ADAM12: variants seen among roughly 807,000 people sequenced by gnomAD.
The protein encoded by ADAM12 is ADAM metallopeptidase domain 12.
A neutral mutation model predicts 106.4 loss-of-function variants in ADAM12; 70 were observed. That is an observed-to-expected ratio of 0.66 (90% CI 0.54 to 0.80). ADAM12 has a LOEUF of 0.80. Among genes scored for constraint, ADAM12 ranks in the 30% least tolerant of loss-of-function variants. The pLI is 0.00. For synonymous variants in ADAM12, 420 were observed against 433.5 expected (o/e 0.97, Z 0.39); for missense variants, 1,010 against 1,171.9 (o/e 0.86, Z 2.02).
rs7100946 is a variant in ADAM12, at chr10:126,128,228, G to C, written c.416+7356C>G. Reference sequence around the variant, plus strand: ...GGAAAGGTGAGGTGCCAATTCAGGAGAGGCCCCGGTCTGCAGCTGGGATGA... The same window carrying C: ...GGAAAGGTGAGGTGCCAATTCAGGACAGGCCCCGGTCTGCAGCTGGGATGA... On this transcript the variant is annotated intron_variant, in intron 5 of 22. Coordinates refer to ENST00000448723, the MANE Select transcript of ADAM12 (RefSeq NM_001288973.2). 3.3e-3 allele frequency among the ~76,000 whole-genome samples: 499 copies of C among 152,268 alleles called. 4 individuals are homozygous for C. Among genetic ancestry groups the C allele is most frequent in the African/African-American group, 0.012 (487 of 41,552 alleles).
chr10:126,260,689 G>C (rs1958984237), intron 3 of ADAM12, among the ~76,000 whole-genome samples: 1 of 152,136 alleles, frequency 6.6e-6, no homozygotes, highest in African/African-American at 2.4e-5. Flanking sequence ...GCACTTAAGA[G>C]AAACATTGCC....
Position 126,049,515 on chromosome 10 carries a change from G to A in ADAM12, c.1718+46C>T. On this transcript the variant is annotated intron_variant, in intron 15 of 22. Coordinates refer to ENST00000448723, the MANE Select transcript of ADAM12 (RefSeq NM_001288973.2). This position sits in a 1 kb window ranked among gnomAD's most constrained non-coding sequence, Gnocchi z 4.4. ...ATTTGGAACCAACCCTATGCAATGT[G>A]GGAAGGTCAGAGCAAAGACTTTGCC... The A allele has an allele frequency of 6.2e-7, 1 of 1,613,558 alleles. No homozygotes were observed. Among genetic ancestry groups the A allele is most frequent in the Non-Finnish European group, 8.5e-7 (1 of 1,179,484 alleles).
intron 3 of ADAM12, among the ~76,000 whole-genome samples, chr10:126,217,369 CTTT>C (rs1296671044): frequency 7.0e-6 from 1 of 143,252 alleles, no homozygotes. Context: ...GCATTTGGAA[CTTT>C]TTTTTTTTTT....
At chr10:126,332,683 G>A (rs989220687) in intron 1 of ADAM12, among the ~76,000 whole-genome samples, 5 of 152,164 alleles carry the variant, frequency 3.3e-5, no homozygotes, top group Admixed American at 6.5e-5. Context: ...ATATAGCCAC[G>A]AGGATCGACA....
At chr10:126,182,214 T>A (rs1260022794) in intron 3 of ADAM12, among the ~76,000 whole-genome samples, 2 of 152,072 alleles carry the variant, frequency 1.3e-5, no homozygotes, top group Non-Finnish European at 2.9e-5. Context: ...AACATGAACA[T>A]GTAGAGGGAG....
rs1953661151 is a variant in ADAM12 at position 126,016,361 on chromosome 10, A to G, written c.*918T>C. Reference sequence around the variant, plus strand: ...TCTGAATACAGGATCATTGTATTACAGTTTGTGGTGATTTGCTCAGCTCCA... The same window carrying G: ...TCTGAATACAGGATCATTGTATTACGGTTTGTGGTGATTTGCTCAGCTCCA... On this transcript the variant is annotated 3_prime_UTR_variant, in exon 23 of 23. Transcript: ENST00000448723. 6.6e-6 allele frequency: 1 copy of G among 152,152 alleles called. No homozygotes were observed. The highest frequency in any genetic ancestry group is 2.4e-5 in the African/African-American group (1 of 41,430). The allele number at this position is 152,152 out of a possible 1,614,324, so 9.4% of individuals were successfully genotyped here.
chr10:126,025,954 A>T (rs915565720), intron 21 of ADAM12, among the ~76,000 whole-genome samples: 4 of 152,020 alleles, frequency 2.6e-5, no homozygotes, highest in African/African-American at 9.7e-5. Context: ...CTAACAGCAG[A>T]CCTCCCAGTG....
intron 3 of ADAM12, among the ~76,000 whole-genome samples, chr10:126,184,685 G>A (rs930951389): frequency 7.9e-5 from 12 of 152,096 alleles, no homozygotes; most frequent in Non-Finnish European, 1.8e-4. Context: ...CGGCTGCCAC[G>A]CTTCAGTTCT....
chr10:126,039,245 C>T, intron 19 of ADAM12, 49 bp downstream of exon 19: 1 of 1,603,978 alleles, frequency 6.2e-7, no homozygotes, highest in Non-Finnish European at 8.5e-7. Context: ...CCGCACCCAG[C>T]CTCTGAGCCA....
intron 2 of ADAM12, among the ~76,000 whole-genome samples, chr10:126,292,401 C>A (rs1960192645): frequency 6.6e-6 from 1 of 152,148 alleles, no homozygotes; most frequent in South Asian, 2.1e-4. Context: ...TCTATTCCTG[C>A]AACATGGCCC....
chr10:126,047,679 C>T (rs765168298), intron 16 of ADAM12, among the ~76,000 whole-genome samples: 1 of 152,208 alleles, frequency 6.6e-6, no homozygotes, highest in Non-Finnish European at 1.5e-5. Flanking sequence ...AAAAGGAACA[C>T]TTATATACTG....
intron 3 of ADAM12, among the ~76,000 whole-genome samples, chr10:126,256,197 G>A (rs1820437429): frequency 2.0e-5 from 3 of 152,154 alleles, no homozygotes; most frequent in Admixed American, 2.0e-4. Flanking sequence ...CAGAACGAAA[G>A]CCATTGGTCT....
At chr10:126,228,931 T>A (rs1457842346) in intron 3 of ADAM12, among the ~76,000 whole-genome samples, 6 of 152,378 alleles carry the variant, frequency 3.9e-5, no homozygotes, top group Middle Eastern at 3.4e-3. Flanking sequence ...AAAAAATTCT[T>A]ACTGGCAGTG....
chr10:126,327,060 G>A (rs940975630), intron 2 of ADAM12, among the ~76,000 whole-genome samples: 1 of 152,154 alleles, frequency 6.6e-6, no homozygotes, highest in Admixed American at 6.5e-5. Flanking sequence ...AGGTCACAGG[G>A]GTGGCCCCAT....
intron 3 of ADAM12, among the ~76,000 whole-genome samples, chr10:126,241,990 A>C (rs967384094): frequency 6.6e-6 from 1 of 151,502 alleles, no homozygotes; most frequent in Admixed American, 6.6e-5. Flanking sequence ...CACATCAAAT[A>C]ATCATCTCCT....
intron 21 of ADAM12, among the ~76,000 whole-genome samples, chr10:126,027,045 C>G (rs1422959581): frequency 6.6e-6 from 1 of 152,016 alleles, no homozygotes; most frequent in African/African-American, 2.4e-5. Flanking sequence ...CAAATAGACA[C>G]AATCAGAAAT....
At chr10:126,265,261 C>T (rs548306701) in intron 3 of ADAM12, among the ~76,000 whole-genome samples, 16 of 152,264 alleles carry the variant, frequency 1.1e-4, no homozygotes, top group African/African-American at 3.6e-4. Context: ...ATTTATCTTG[C>T]TTTTTATCTC....
intron 3 of ADAM12, among the ~76,000 whole-genome samples, chr10:126,209,038 G>A (rs939056023): frequency 2.0e-5 from 3 of 152,098 alleles, no homozygotes; most frequent in African/African-American, 7.2e-5. Context: ...TCATTATTCT[G>A]CTGTCAAAAT....
intron 1 of ADAM12, among the ~76,000 whole-genome samples, chr10:126,355,571 T>G (rs1855511720): frequency 6.6e-6 from 1 of 152,190 alleles, no homozygotes. Flanking sequence ...ACCACACTGC[T>G]TCTCCCTCCA....
Sources: allele counts gnomAD v4.1 joint callset (sites outside exome capture counted in the v4.1 genomes callset), GRCh38; gene constraint gnomAD v4.1.1; non-coding constraint Gnocchi (gnomAD v3.1); transcripts MANE v1.5; gene names NCBI Gene and HGNC (gene_info 2026-07-23, HGNC 2026-07-21).